Variants in MMS22L observed in about 807,000 individuals in gnomAD.
The protein encoded by MMS22L is MMS22 like, DNA repair protein, also known as protein MMS22-like.
Under a neutral mutation model 159.1 loss-of-function variants are expected in MMS22L, and 74 were observed. That is an observed-to-expected ratio of 0.47 (90% CI 0.39 to 0.56). MMS22L has a LOEUF of 0.56. MMS22L is among the 20% of genes least tolerant of loss of function. MMS22L has a pLI of 0.00. For synonymous variants in MMS22L, 517 were observed against 506.9 expected (o/e 1.02, Z -0.27); for missense variants, 1,351 against 1,422.1 (o/e 0.95, Z 0.80).
At chr6:97,234,689 A>G (rs753860693) in intron 11 of MMS22L, among the ~76,000 whole-genome samples, 1 of 152,214 alleles carries the variant, frequency 6.6e-6, no homozygotes, top group Non-Finnish European at 1.5e-5. Context: ...AAAGGACACT[A>G]AAACAAGATA....
chr6:97,236,717 C>A (rs1811453669), intron 11 of MMS22L, among the ~76,000 whole-genome samples: 1 of 151,986 alleles, frequency 6.6e-6, no homozygotes, highest in Middle Eastern at 3.2e-3. Flanking sequence ...TTTGGGAGGC[C>A]AAGGAGGGCA....
intron 14 of MMS22L, among the ~76,000 whole-genome samples, chr6:97,227,776 G>T (rs1453877085): frequency 2.6e-5 from 4 of 152,208 alleles, no homozygotes; most frequent in Non-Finnish European, 5.9e-5. Context: ...TTCTGTGACA[G>T]TGAGTAACCA....
Position 97,162,092 on chromosome 6 carries a change from G to A in MMS22L, c.3295C>T (p.Leu1099Phe). 1 of 1,612,344 alleles carries A rather than the reference G, an allele frequency of 6.2e-7. No individual in the cohort carries two copies. Residue 1099 changes from leucine to phenylalanine, a missense_variant, in exon 22 of 25, where the codon CTC becomes TTC. By Grantham distance (22) the Leu-to-Phe change is conservative. Transcript: ENST00000683635. ...LASILAFILQLFKETNTDIYE... is the reference protein window; with the variant it reads ...LASILAFILQFFKETNTDIYE... ...ATGTCTGTGTTAGTTTCCTTGAAGA[G>A]TTGGAGGATGAAGGCCAGAATGGAT...
intron 4 of MMS22L, 177 bp from the exon 5 acceptor site, chr6:97,273,239 A>G: frequency 1.7e-6 from 1 of 591,096 alleles, no homozygotes; most frequent in Non-Finnish European, 3.0e-6. Flanking sequence ...TAAAGTCACC[A>G]ATCACACCCA....
rs1800939140 is a variant in MMS22L at position 97,146,696 on chromosome 6, G to A, written c.*110C>T. 1 of 704,272 alleles carries A rather than the reference G, an allele frequency of 1.4e-6. No individual in the cohort carries two copies. Among genetic ancestry groups the A allele is most frequent in the East Asian group, 3.5e-5 (1 of 28,562 alleles). 43.6% of individuals were successfully genotyped at this position (704,272 alleles called of 1,614,324 possible). A position where few individuals can be genotyped will look rare whatever the true frequency, so the allele number is the denominator to read the frequency against. ...AGATATAAAAGGAAAAAAAATCCTA[G>A]AAATTATTTTAAACAGAACATTATA... On this transcript the variant is annotated 3_prime_UTR_variant, in exon 25 of 25. Coordinates refer to ENST00000683635, the MANE Select transcript of MMS22L (RefSeq NM_001350599.2).
chr6:97,143,315 G>A lies in MMS22L; in HGVS notation c.*3491C>T, dbSNP rs1800725858. On this transcript the variant is annotated 3_prime_UTR_variant, in exon 25 of 25. Transcript: ENST00000683635. ...GTAAACTGAATGAGGCTGAGTGTAG[G>A]ATGAACATGGCAATCAGAGAAAGCT... The A allele has an allele frequency of 6.6e-6, 1 of 152,166 alleles. No homozygotes were observed. Among genetic ancestry groups the A allele is most frequent in the African/African-American group, 2.4e-5 (1 of 41,442 alleles). The allele number at this position is 152,166 out of a possible 1,614,324, so 9.4% of individuals were successfully genotyped here.
chr6:97,160,637 G>GTTAAT (rs1802344182), intron 22 of MMS22L, among the ~76,000 whole-genome samples: 2 of 151,902 alleles, frequency 1.3e-5, no homozygotes, highest in South Asian at 4.1e-4. Context: ...GAATGTATAA[G>GTTAAT]TTAATATTCT....
chr6:97,149,762 TG>T, intron 24 of MMS22L, 90 bp downstream of exon 24: 1 of 1,294,384 alleles, frequency 7.7e-7, no homozygotes. Flanking sequence ...ACCCAAATTT[TG>T]GGGAATAAGA....
At chr6:97,269,822 G>T in intron 7 of MMS22L, 80 bp downstream of exon 7, 2 of 964,534 alleles carry the variant, frequency 2.1e-6, no homozygotes, top group Non-Finnish European at 1.5e-6. Flanking sequence ...ATATCAGAAA[G>T]CACTTATTAC....
intron 19 of MMS22L, among the ~76,000 whole-genome samples, chr6:97,171,690 T>A (rs1266584217): frequency 6.6e-6 from 1 of 152,172 alleles, no homozygotes; most frequent in Non-Finnish European, 1.5e-5. Context: ...TGCAACCTTG[T>A]AAGTGAACAG....
At chr6:97,174,640 G>T (rs1164770944) in intron 18 of MMS22L, among the ~76,000 whole-genome samples, 1 of 152,166 alleles carries the variant, frequency 6.6e-6, no homozygotes, top group Admixed American at 6.5e-5. Flanking sequence ...TCACTCATGA[G>T]CTGGAAGGAC....
intron 14 of MMS22L, among the ~76,000 whole-genome samples, chr6:97,221,291 C>T (rs1291963177): frequency 6.6e-6 from 1 of 152,002 alleles, no homozygotes; most frequent in African/African-American, 2.4e-5. Context: ...AAGGAAAACT[C>T]GTATCTATGT....
At position 97,145,369 on chromosome 6, in the gene MMS22L, T is replaced by C. The variant is rs904424558; in HGVS notation, c.*1437A>G. The C allele has an allele frequency of 5.3e-5, 8 of 152,162 alleles. No individual in the cohort carries two copies. The highest frequency in any genetic ancestry group is 1.4e-4 in the African/African-American group (6 of 41,446). The allele number at this position is 152,162 out of a possible 1,614,324, so 9.4% of individuals were successfully genotyped here. A position where few individuals can be genotyped will look rare whatever the true frequency, so the allele number is the denominator to read the frequency against. On this transcript the variant is annotated 3_prime_UTR_variant, in exon 25 of 25. Transcript: ENST00000683635. ...ACTACAGAATACTGATTGCAAAGTA[T>C]TTCATTTTTAAAGATACTCCTTGAG...
At position 97,181,919 on chromosome 6, in the gene MMS22L, T is replaced by C. The variant is rs1276056264; in HGVS notation, c.2369A>G (p.His790Arg). 1.2e-6 allele frequency: 2 copies of C among 1,612,706 alleles called. No homozygotes were observed. The highest frequency in any genetic ancestry group is 1.3e-5 in the African/African-American group (1 of 74,964). ...AAGCACGTACCTATTTTGTAGGACA[T>C]GACTTAAATATCTTGCTACAACTTG... The part of the protein sequence containing the change: ...CPQVVARYLS[H>R]VLQNSTLCEA... The change falls in exon 16 of 25, where the codon CAT (histidine) becomes CGT (arginine). Residue 790 changes from histidine to arginine, a missense_variant. Coordinates refer to ENST00000683635, the MANE Select transcript of MMS22L (RefSeq NM_001350599.2).
At chr6:97,252,220 T>A (rs1813313164) in intron 10 of MMS22L, among the ~76,000 whole-genome samples, 1 of 152,016 alleles carries the variant, frequency 6.6e-6, no homozygotes, top group Admixed American at 6.6e-5. Flanking sequence ...ACTGAGAATA[T>A]CTGGCGGGGT....
chr6:97,204,138 T>C (rs1807492004), intron 14 of MMS22L, among the ~76,000 whole-genome samples: 1 of 152,210 alleles, frequency 6.6e-6, no homozygotes, highest in African/African-American at 2.4e-5. Context: ...TTAAACAATA[T>C]TATTTGGCAT....
chr6:97,228,880 A>T lies in MMS22L; in HGVS notation c.2039+14T>A. 4 of 1,593,158 alleles carry T rather than the reference A, an allele frequency of 2.5e-6. No homozygotes were observed. Among genetic ancestry groups the T allele is most frequent in the Non-Finnish European group, 3.4e-6 (4 of 1,170,850 alleles). On this transcript the variant is annotated intron_variant, in intron 14 of 24. Coordinates refer to ENST00000683635, the MANE Select transcript of MMS22L (RefSeq NM_001350599.2). ...AAAACAAATCATAAATTAGCATACA[A>T]CTGAAAACCATACCTGATTCTGGCC...
chr6:97,274,163 A>T (rs1816029821), intron 4 of MMS22L, among the ~76,000 whole-genome samples: 1 of 152,202 alleles, frequency 6.6e-6, no homozygotes, highest in Non-Finnish European at 1.5e-5. Flanking sequence ...ACAAAAGCAA[A>T]GAAAACATGA....
chr6:97,255,175 C>T (rs755787790), intron 9 of MMS22L, among the ~76,000 whole-genome samples: 77 of 152,168 alleles, frequency 5.1e-4, no homozygotes, highest in Non-Finnish European at 9.6e-4. Context: ...ACTGCCATAG[C>T]TTATTGCAAT....
Sources: allele counts gnomAD v4.1 joint callset (sites outside exome capture counted in the v4.1 genomes callset), GRCh38; gene constraint gnomAD v4.1.1; transcripts MANE v1.5; gene names NCBI Gene and HGNC (gene_info 2026-07-23, HGNC 2026-07-21).